TRHDE: variants seen among roughly 807,000 people sequenced by gnomAD.
TRHDE encodes the protein thyrotropin-releasing hormone-degrading ectoenzyme.
In TRHDE, 72 loss-of-function variants were observed where a neutral mutation model predicts 125.7. The observed-to-expected ratio is 0.57, with a 90% CI of 0.47 to 0.70. The LOEUF (loss-of-function observed/expected upper bound fraction) is 0.70, where lower values mean the gene tolerates loss of function less well. Ranked by LOEUF, TRHDE falls within the 30% of genes least tolerant of loss-of-function variation. The pLI, the probability that TRHDE is intolerant of heterozygous loss-of-function variation, is 0.00. For missense variants in TRHDE, 1,110 were observed against 1,327.1 expected (o/e 0.84, Z 2.54); for synonymous variants, 509 against 509.1 (o/e 1.00, Z 0.00).
chr12:72,634,486 C>CT (rs982351523), intron 15 of TRHDE, among the ~76,000 whole-genome samples: 15 of 148,782 alleles, frequency 1.0e-4, no homozygotes, highest in East Asian at 4.0e-4. Flanking sequence ...GGGAAAACAT[C>CT]TTTTTTTTTA....
intron 15 of TRHDE, among the ~76,000 whole-genome samples, chr12:72,624,649 A>G (rs572281903): frequency 2.0e-4 from 30 of 151,996 alleles, no homozygotes; most frequent in Admixed American, 1.8e-3. Flanking sequence ...AAAATTCACG[A>G]GTTACAGTGG....
chr12:72,570,787 A>G (rs1870688285), intron 10 of TRHDE, among the ~76,000 whole-genome samples: 1 of 152,308 alleles, frequency 6.6e-6, no homozygotes, highest in Middle Eastern at 3.4e-3. Context: ...GCGTTTGCGC[A>G]GTAGATAACT....
intron 15 of TRHDE, among the ~76,000 whole-genome samples, chr12:72,648,394 GC>G (rs1361668218): frequency 4.3e-4 from 66 of 152,100 alleles, no homozygotes; most frequent in African/African-American, 1.5e-3. Flanking sequence ...GGAAACCTTA[GC>G]CAGAGAAAAT....
At chr12:72,493,867 C>T (rs140337848) in intron 5 of TRHDE, among the ~76,000 whole-genome samples, 387 of 152,050 alleles carry the variant, frequency 2.5e-3, no homozygotes, top group African/African-American at 8.5e-3. Flanking sequence ...CAAACTCTAC[C>T]CTGCCTAAGG....
At chr12:72,163,491 AT>A (rs1354969026) in intron 2 of TRHDE, among the ~76,000 whole-genome samples, 1 of 152,230 alleles carries the variant, frequency 6.6e-6, no homozygotes, top group Non-Finnish European at 1.5e-5. Flanking sequence ...GAGTTAAATA[AT>A]TTTTGTGAAG....
intron 1 of TRHDE, among the ~76,000 whole-genome samples, chr12:72,089,918 TA>T (rs1248943928): frequency 6.6e-6 from 1 of 152,186 alleles, no homozygotes; most frequent in African/African-American, 2.4e-5. Context: ...GTTGAGTAAA[TA>T]AAACAATGAA....
At chr12:72,361,282 T>C (rs1428015848) in intron 2 of TRHDE, among the ~76,000 whole-genome samples, 1 of 151,870 alleles carries the variant, frequency 6.6e-6, no homozygotes, top group Non-Finnish European at 1.5e-5. Context: ...TTGTTAAAAC[T>C]ATATGCTTTG....
At chr12:72,436,058 T>C (rs1592443494) in intron 3 of TRHDE, among the ~76,000 whole-genome samples, 1 of 152,228 alleles carries the variant, frequency 6.6e-6, no homozygotes, top group East Asian at 1.9e-4. Context: ...CAGGGTCATG[T>C]ATCTGTCCTT....
intron 2 of TRHDE, among the ~76,000 whole-genome samples, chr12:72,215,879 A>T (rs1877879901): frequency 6.6e-6 from 1 of 152,162 alleles, no homozygotes; most frequent in Non-Finnish European, 1.5e-5. Context: ...GATTGTGGTT[A>T]TGTTAATATT....
chr12:72,601,689 A>C (rs184918680), intron 12 of TRHDE, among the ~76,000 whole-genome samples: 1 of 152,272 alleles, frequency 6.6e-6, no homozygotes, highest in African/African-American at 2.4e-5. Context: ...TACCACAAAA[A>C]GATTATGGAT....
At position 72,667,609 on chromosome 12, in the gene TRHDE, C is replaced by A. The variant is rs1353656642; in HGVS notation, c.*4414C>A. The A allele has an allele frequency of 6.6e-6, 1 of 151,534 alleles. No individual in the cohort carries two copies. The highest frequency in any genetic ancestry group is 1.5e-5 in the Non-Finnish European group (1 of 67,720). The allele number at this position is 151,534 out of a possible 1,614,324, so 9.4% of individuals were successfully genotyped here. On this transcript the variant is annotated 3_prime_UTR_variant, in exon 19 of 19. Coordinates refer to ENST00000261180, the MANE Select transcript of TRHDE (RefSeq NM_013381.3). ...AATGAGGGCAACAGGAAAAATAATTCCTTGCTACAGACGGGAAGTCAATCA... is the reference window on the plus strand; with the variant it reads ...AATGAGGGCAACAGGAAAAATAATTACTTGCTACAGACGGGAAGTCAATCA...
At chr12:72,245,046 TA>T (rs1878549839) in intron 2 of TRHDE, among the ~76,000 whole-genome samples, 1 of 152,106 alleles carries the variant, frequency 6.6e-6, no homozygotes, top group Non-Finnish European at 1.5e-5. Context: ...TGCTCTAGAG[TA>T]AAAATTGTCA....
intron 2 of TRHDE, among the ~76,000 whole-genome samples, chr12:72,140,601 G>A (rs1876090047): frequency 6.6e-6 from 1 of 152,152 alleles, no homozygotes; most frequent in South Asian, 2.1e-4. Flanking sequence ...TACAGAGTTT[G>A]CCTTCTTTTG....
chr12:72,403,051 C>G (rs1873113550), intron 3 of TRHDE, among the ~76,000 whole-genome samples: 1 of 152,142 alleles, frequency 6.6e-6, no homozygotes, highest in South Asian at 2.1e-4. Flanking sequence ...AAATCTGGTA[C>G]CTATGATGGG....
chr12:72,618,782 A>G lies in TRHDE; in HGVS notation c.2322-109A>G, dbSNP rs962364881. The G allele has an allele frequency of 1.6e-5, 14 of 865,836 alleles. No homozygotes were observed. The African/African-American group carries it at 2.3e-4, about 14-fold the overall frequency. 53.6% of individuals were successfully genotyped at this position (865,836 alleles called of 1,614,324 possible). ...AGTAATTTTATTCTTATAACACTGA[A>G]TATGCTTTCTTTATACTATGATGAA... On this transcript the variant is annotated intron_variant, in intron 12 of 18. Coordinates refer to ENST00000261180, the MANE Select transcript of TRHDE (RefSeq NM_013381.3).
intron 5 of TRHDE, among the ~76,000 whole-genome samples, chr12:72,494,799 A>G (rs1877833555): frequency 1.3e-5 from 2 of 152,080 alleles, no homozygotes; most frequent in African/African-American, 4.8e-5. Context: ...AAATGCTAAT[A>G]TTGTAATAAA....
chr12:72,568,673 C>G lies in TRHDE; in HGVS notation c.2131+17C>G. The G allele has an allele frequency of 6.5e-7, 1 of 1,546,684 alleles. No individual in the cohort carries two copies. On this transcript the variant is annotated intron_variant, in intron 10 of 18. Transcript: ENST00000261180. ...ACAAATCAGGTAAACTATATATTCT[C>G]CCCTGAGGAAGTATCTGGTTTCAGA...
intron 3 of TRHDE, among the ~76,000 whole-genome samples, chr12:72,451,804 CT>C (rs1875587218): frequency 1.3e-5 from 2 of 151,834 alleles, no homozygotes; most frequent in Admixed American, 1.3e-4. Context: ...GTGTCTTTTT[CT>C]TTTCTTTTTT....
intron 2 of TRHDE, among the ~76,000 whole-genome samples, chr12:72,166,319 A>G (rs1299456910): frequency 1.4e-5 from 2 of 141,456 alleles, no homozygotes; most frequent in Admixed American, 6.9e-5. Context: ...ATATATATAT[A>G]CACACACACA....
Sources: allele counts gnomAD v4.1 joint callset (sites outside exome capture counted in the v4.1 genomes callset), GRCh38; gene constraint gnomAD v4.1.1; transcripts MANE v1.5; gene names NCBI Gene and HGNC (gene_info 2026-07-23, HGNC 2026-07-21).